TRIM67: variants seen among roughly 807,000 people sequenced by gnomAD.
The protein encoded by TRIM67 is tripartite motif containing 67, also known as tripartite motif-containing protein 67.
Under a neutral mutation model 71.0 loss-of-function variants are expected in TRIM67, and 39 were observed. The ratio of observed to expected loss-of-function variants is 0.55; its 90% confidence interval spans 0.43 to 0.72. TRIM67 has a LOEUF of 0.72. Ranked by LOEUF, TRIM67 falls within the 30% of genes least tolerant of loss-of-function variation. The pLI, the probability that TRIM67 is intolerant of heterozygous loss-of-function variation, is 0.00. For missense variants in TRIM67, 973 were observed against 1,079.2 expected, an observed-to-expected ratio of 0.90 and a Z score of 1.38; for synonymous variants, 481 against 473.9, an observed-to-expected ratio of 1.01 and a Z score of -0.19.
chr1:231,185,600 C>A (rs902048320), intron 1 of TRIM67, among the ~76,000 whole-genome samples: 1 of 151,870 alleles, frequency 6.6e-6, no homozygotes, highest in Non-Finnish European at 1.5e-5. Context: ...CCAGACGCGT[C>A]CTGCCCTTTT....
intron 3 of TRIM67, among the ~76,000 whole-genome samples, chr1:231,199,494 T>G (rs1179904377): frequency 6.6e-6 from 1 of 152,184 alleles, no homozygotes; most frequent in Non-Finnish European, 1.5e-5. Flanking sequence ...CTGACCCTGT[T>G]CAGGTCTCCA....
rs1005308154 is a variant in TRIM67 at position 231,163,507 on chromosome 1, C to A, written c.538C>A (p.Arg180=). 3 of 1,518,448 alleles carry A rather than the reference C, an allele frequency of 2.0e-6. No individual in the cohort carries two copies. The highest frequency in any genetic ancestry group is 1.4e-5 in the African/African-American group (1 of 70,000). 94.1% of individuals were successfully genotyped at this position (1,518,448 alleles called of 1,614,324 possible). ...CGGCCTGCGCGGCTTCCAGCGCAAC[C>A]GGCTGCTCGAGGCCATCGTGCAGCG... ...HRGLRGFQRN[R]LLEAIVQRYQ... Residue 180 remains arginine, a synonymous_variant, in exon 1 of 10, where the codon CGG becomes AGG. Coordinates refer to ENST00000366653, the MANE Select transcript of TRIM67 (RefSeq NM_001004342.5).
At position 231,176,264 on chromosome 1, in the gene TRIM67, G is replaced by T. The variant is rs552832423; in HGVS notation, c.1044+12251G>T. 2.0e-5 allele frequency among the ~76,000 whole-genome samples: 3 copies of T among 152,318 alleles called. No homozygotes were observed. The South Asian group carries it at 6.2e-4, about 32-fold the overall frequency. On this transcript the variant is annotated intron_variant, in intron 1 of 9. Coordinates refer to ENST00000366653, the MANE Select transcript of TRIM67 (RefSeq NM_001004342.5). The stretch of plus-strand genomic sequence containing the variant: ...TCACAGCCTGCTGCAGGAGACCATT[G>T]TACAGCCAACCTGATGTATATGCGC...
Position 231,163,086 on chromosome 1 carries a change from G to A in TRIM67, c.117G>A (p.Pro39=). The change falls in exon 1 of 10, where the codon CCG becomes CCA. Residue 39 remains proline, a synonymous_variant. Coordinates refer to ENST00000366653, the MANE Select transcript of TRIM67 (RefSeq NM_001004342.5). The part of the protein sequence containing the change: ...PCARTIAVQT[P]DGEQHLPQPL... Reference sequence around the variant, plus strand: ...CTCGCACCATCGCGGTGCAGACCCCGGACGGTGAGCAGCACCTGCCCCAGC... The same window carrying A: ...CTCGCACCATCGCGGTGCAGACCCCAGACGGTGAGCAGCACCTGCCCCAGC... 3 of 1,586,954 alleles carry A rather than the reference G, an allele frequency of 1.9e-6. No individual in the cohort carries two copies. The highest frequency in any genetic ancestry group is 1.7e-4 in the Middle Eastern group (1 of 6,038).
At chr1:231,194,897 C>T (rs572489986) in intron 1 of TRIM67, among the ~76,000 whole-genome samples, 22 of 152,102 alleles carry the variant, frequency 1.4e-4, no homozygotes, top group Non-Finnish European at 1.8e-4. Context: ...GGGAGGAAAG[C>T]GGGGCCGGGG....
Position 231,215,564 on chromosome 1 carries a change from C to T in TRIM67, c.*124C>T, listed in dbSNP as rs944884796. The T allele has an allele frequency of 1.3e-5, 18 of 1,433,314 alleles. No homozygotes were observed. Among genetic ancestry groups the T allele is most frequent in the African/African-American group, 8.5e-5 (6 of 70,592 alleles). 88.8% of individuals were successfully genotyped at this position (1,433,314 alleles called of 1,614,324 possible). A position where few individuals can be genotyped will look rare whatever the true frequency, so the allele number is the denominator to read the frequency against. ...GCAAATCATGGGTGCAACCTGGCAG[C>T]GTGGAGTGTCATAGAAACACATTTT... On this transcript the variant is annotated 3_prime_UTR_variant, in exon 10 of 10. Coordinates refer to ENST00000366653, the MANE Select transcript of TRIM67 (RefSeq NM_001004342.5).
intron 4 of TRIM67, among the ~76,000 whole-genome samples, chr1:231,201,062 T>C (rs573868797): frequency 6.6e-6 from 1 of 152,348 alleles, no homozygotes; most frequent in East Asian, 1.9e-4. Flanking sequence ...GATGCATTTG[T>C]GTATTTAAAA....
rs183571283 is a variant in TRIM67 at position 231,217,051 on chromosome 1, T to C, written c.*1611T>C. On this transcript the variant is annotated 3_prime_UTR_variant, in exon 10 of 10. Coordinates refer to ENST00000366653, the MANE Select transcript of TRIM67 (RefSeq NM_001004342.5). ...CAACTGTGCGTCCTTGGTTCTGCCT[T>C]CCTGTTCAGACACCGCGCCTGCTTT... 383 of 985,938 alleles carry C rather than the reference T, an allele frequency of 3.9e-4. No homozygotes were observed. The highest frequency in any genetic ancestry group is 4.4e-4 in the Non-Finnish European group (369 of 829,964). The allele number at this position is 985,938 out of a possible 1,614,324, so 61.1% of individuals were successfully genotyped here. A position where few individuals can be genotyped will look rare whatever the true frequency, so the allele number is the denominator to read the frequency against.
At chr1:231,189,866 G>A (rs565003302) in intron 1 of TRIM67, among the ~76,000 whole-genome samples, 2 of 152,216 alleles carry the variant, frequency 1.3e-5, no homozygotes, top group East Asian at 1.9e-4. Context: ...GAAGTTGAAC[G>A]ATGCCAGGAA....
At chr1:231,188,980 G>A (rs1478291423) in intron 1 of TRIM67, among the ~76,000 whole-genome samples, 1 of 152,182 alleles carries the variant, frequency 6.6e-6, no homozygotes, top group African/African-American at 2.4e-5. Flanking sequence ...GGGTGGATCT[G>A]TGTCTGGTGG....
At chr1:231,194,922 GTCTC>G (rs879458065) in intron 1 of TRIM67, among the ~76,000 whole-genome samples, 2 of 152,110 alleles carry the variant, frequency 1.3e-5, no homozygotes, top group African/African-American at 4.8e-5. Context: ...CGGCAGGGAG[GTCTC>G]TCTATGTTGC....
At chr1:231,181,461 TGG>T (rs1270794547) in intron 1 of TRIM67, among the ~76,000 whole-genome samples, 1 of 152,166 alleles carries the variant, frequency 6.6e-6, no homozygotes, top group Non-Finnish European at 1.5e-5. Context: ...GCTTCCAAGT[TGG>T]GGGGTGGTGT....
intron 4 of TRIM67, among the ~76,000 whole-genome samples, chr1:231,201,125 G>T (rs1353737934): frequency 6.6e-6 from 1 of 152,126 alleles, no homozygotes; most frequent in Admixed American, 6.5e-5. Context: ...AGCATCAAGT[G>T]CTTCTTTTCA....
chr1:231,166,791 TA>T (rs1337402359), intron 1 of TRIM67, among the ~76,000 whole-genome samples: 4 of 152,212 alleles, frequency 2.6e-5, no homozygotes, highest in African/African-American at 9.7e-5. Flanking sequence ...AAAAGCAGTG[TA>T]AAAAACTTTA....
At chr1:231,198,463 C>T (rs912119962) in intron 2 of TRIM67, among the ~76,000 whole-genome samples, 20 of 152,212 alleles carry the variant, frequency 1.3e-4, no homozygotes, top group African/African-American at 2.9e-4. Flanking sequence ...CTCAGCTCAC[C>T]GCAACCTCCG....
chr1:231,205,696 A>C (rs142607181), intron 6 of TRIM67, among the ~76,000 whole-genome samples: 2,697 of 151,122 alleles, frequency 0.018, 39 homozygotes, highest in Non-Finnish European at 0.026. Flanking sequence ...ACTGCACTCC[A>C]GCCTGGGTGA....
intron 1 of TRIM67, among the ~76,000 whole-genome samples, chr1:231,165,251 C>T (rs1165580688): frequency 6.6e-6 from 1 of 152,216 alleles, no homozygotes; most frequent in African/African-American, 2.4e-5. Flanking sequence ...GTCAACAGTG[C>T]TCTGGAGAGA....
intron 5 of TRIM67, among the ~76,000 whole-genome samples, chr1:231,203,463 G>A (rs553359423): frequency 1.7e-4 from 26 of 152,320 alleles, no homozygotes; most frequent in African/African-American, 6.3e-4. Flanking sequence ...GATCCCTAGG[G>A]ACTTGTGCCA....
At chr1:231,205,154 G>A (rs189123500) in intron 6 of TRIM67, among the ~76,000 whole-genome samples, 48 of 152,318 alleles carry the variant, frequency 3.2e-4, no homozygotes, top group African/African-American at 1.1e-3. Flanking sequence ...CTTAAAAATG[G>A]TCCCTCCTCT....
Sources: gnomAD v4.1 joint callset for allele counts (sites outside exome capture counted in the v4.1 genomes callset) on GRCh38, gnomAD v4.1.1 for gene constraint, MANE v1.5 for transcripts, NCBI Gene and HGNC (gene_info 2026-07-23, HGNC 2026-07-21) for gene names.